SLC19A2: variants seen among roughly 807,000 people sequenced by gnomAD.
The protein encoded by SLC19A2 is thiamine transporter 1.
Under a neutral mutation model 44.7 loss-of-function variants are expected in SLC19A2, and 27 were observed. The ratio of observed to expected loss-of-function variants is 0.60; its 90% CI spans 0.45 to 0.83. The LOEUF is 0.83. Among genes scored for constraint, SLC19A2 ranks in the 40% least tolerant of loss-of-function variants. The pLI is 0.00. For synonymous variants in SLC19A2, 239 were observed against 243.6 expected (o/e 0.98, Z 0.18); for missense variants, 566 against 613.7 (o/e 0.92, Z 0.82).
Position 169,468,808 on chromosome 1 carries a change from A to G in SLC19A2, c.1059T>C (p.Tyr353=). ...CCCAAGTTGACCAGGATATTTTTAT[A>G]TAACCAACTGCAAACACAGCAACAG... ...LGAVAVFAVG[Y]IKISWSTWGE... The change falls in exon 4 of 6, where the codon TAT becomes TAC. Residue 353 remains tyrosine (Y), a synonymous_variant. Transcript: ENST00000236137. The G allele has an allele frequency of 1.9e-6, 3 of 1,614,000 alleles. No homozygotes were observed.
chr1:169,469,654 C>A (rs953940270), intron 3 of SLC19A2, among the ~76,000 whole-genome samples: 13 of 152,028 alleles, frequency 8.6e-5, no homozygotes, highest in African/African-American at 3.1e-4. Flanking sequence ...TATTGCCATT[C>A]AAAATTTCAC....
chr1:169,477,695 GA>G lies in SLC19A2; in HGVS notation c.266del (p.Phe89SerfsTer39). 6.2e-7 allele frequency: 1 copy of G among 1,613,138 alleles called. No homozygotes were observed. The highest frequency in any genetic ancestry group is 1.1e-5 in the South Asian group (1 of 91,066). On this transcript the variant is annotated frameshift_variant, in exon 2 of 6. Coordinates refer to ENST00000236137, the MANE Select transcript of SLC19A2 (RefSeq NM_006996.3). LOFTEE classifies it high-confidence loss of function. ...TATAACGGAGGTAGTCTGTGGCAAGGAACACAGGAAACAGTAGCACCAGGTA... is the reference window on the plus strand; with the variant it reads ...TATAACGGAGGTAGTCTGTGGCAAGGACACAGGAAACAGTAGCACCAGGTA... ...YSYLVLLFPV[F>X]LATDYLRYKP...
Position 169,465,704 on chromosome 1 carries a change from G to A in SLC19A2, c.*145C>T, listed in dbSNP as rs149502153. On this transcript the variant is annotated 3_prime_UTR_variant, in exon 6 of 6. Transcript: ENST00000236137. ...CTCTGAATAGTATCATGTTATTCCC[G>A]GAACACAAGGTATTAGTCAAGTGGC... is the stretch of plus-strand genomic sequence containing the variant. 55 of 819,924 alleles carry A rather than the reference G, an allele frequency of 6.7e-5. No individual in the cohort carries two copies. The highest frequency in any genetic ancestry group is 9.2e-5 in the Non-Finnish European group (45 of 489,630). The allele number at this position is 819,924 out of a possible 1,614,324, so 50.8% of individuals were successfully genotyped here.
chr1:169,467,618 G>A (rs151319478), intron 5 of SLC19A2, among the ~76,000 whole-genome samples: 10 of 152,258 alleles, frequency 6.6e-5, no homozygotes, highest in Middle Eastern at 6.8e-3. Flanking sequence ...TTGGGTGTTG[G>A]TGCAAGTTTC....
At chr1:169,474,386 G>C (rs1658261967) in intron 2 of SLC19A2, among the ~76,000 whole-genome samples, 1 of 152,122 alleles carries the variant, frequency 6.6e-6, no homozygotes, top group African/African-American at 2.4e-5. Flanking sequence ...TTTAATTTAT[G>C]TCATTTCTAA....
chr1:169,475,398 T>A (rs1468096891), intron 2 of SLC19A2, among the ~76,000 whole-genome samples: 1 of 152,116 alleles, frequency 6.6e-6, no homozygotes, highest in Admixed American at 6.5e-5. Flanking sequence ...CTATGTAAAA[T>A]GTTTTCTATG....
At position 169,485,916 on chromosome 1, in the gene SLC19A2, A is replaced by ACCCCCAGCTTTACCCTACAGAC; in HGVS notation, c.-172_-151dup. 1 of 940,246 alleles carries ACCCCCAGCTTTACCCTACAGAC rather than the reference A, an allele frequency of 1.1e-6. No homozygotes were observed. Among genetic ancestry groups the ACCCCCAGCTTTACCCTACAGAC allele is most frequent in the Non-Finnish European group, 1.5e-6 (1 of 647,528 alleles). The allele number at this position is 940,246 out of a possible 1,614,324, so 58.2% of individuals were successfully genotyped here. A position where few individuals can be genotyped will look rare whatever the true frequency, so the allele number is the denominator to read the frequency against. On this transcript the variant is annotated 5_prime_UTR_variant, in exon 1 of 6. Transcript: ENST00000236137. ...ACTCGCCGCCGCCTCCGGCTACAGA[A>ACCCCCAGCTTTACCCTACAGAC]CCCCCAGCTTTACCCTACAGACGCC...
At chr1:169,469,335 C>T (rs891839171) in intron 3 of SLC19A2, 2 of 185,778 alleles carry the variant, frequency 1.1e-5, no homozygotes, top group Non-Finnish European at 1.1e-5. Context: ...AATCATATAA[C>T]ACCATCCAAC....
intron 1 of SLC19A2, among the ~76,000 whole-genome samples, chr1:169,482,927 T>TA (rs1175349431): frequency 6.6e-6 from 1 of 152,126 alleles, no homozygotes; most frequent in South Asian, 2.1e-4. Context: ...GTGGAATGTT[T>TA]AAAAAAATCT....
At chr1:169,479,254 T>C (rs1416314826) in intron 1 of SLC19A2, among the ~76,000 whole-genome samples, 1 of 152,246 alleles carries the variant, frequency 6.6e-6, no homozygotes, top group African/African-American at 2.4e-5. Context: ...CCTACAGTCT[T>C]GACAGAATTA....
chr1:169,465,714 G>A lies in SLC19A2; in HGVS notation c.*135C>T. 1 of 884,504 alleles carries A rather than the reference G, an allele frequency of 1.1e-6. No homozygotes were observed. Among genetic ancestry groups the A allele is most frequent in the Non-Finnish European group, 1.9e-6 (1 of 536,850 alleles). The allele number at this position is 884,504 out of a possible 1,614,324, so 54.8% of individuals were successfully genotyped here. ...TATCATGTTATTCCCGGAACACAAG[G>A]TATTAGTCAAGTGGCTGCTGTGAAG... On this transcript the variant is annotated 3_prime_UTR_variant, in exon 6 of 6. Transcript: ENST00000236137.
chr1:169,482,538 C>T (rs1341685893), intron 1 of SLC19A2, among the ~76,000 whole-genome samples: 2 of 152,144 alleles, frequency 1.3e-5, no homozygotes, highest in African/African-American at 4.8e-5. Flanking sequence ...AAGACTGTCT[C>T]TAAATAAATA....
At chr1:169,475,776 C>T (rs1048804774) in intron 2 of SLC19A2, among the ~76,000 whole-genome samples, 1 of 152,130 alleles carries the variant, frequency 6.6e-6, no homozygotes, top group African/African-American at 2.4e-5. Flanking sequence ...ATGAGGGTTG[C>T]CCAGGCTCTA....
At chr1:169,483,000 T>A (rs187493531) in intron 1 of SLC19A2, among the ~76,000 whole-genome samples, 2 of 152,352 alleles carry the variant, frequency 1.3e-5, no homozygotes, top group Admixed American at 1.3e-4. Context: ...AAAAAGTTTT[T>A]AGAGATAAAG....
In SLC19A2 at chr1:169,464,372, T is replaced by C. The variant is rs934036364; in HGVS notation, c.*1477A>G. 6 of 152,352 alleles carry C rather than the reference T, an allele frequency of 3.9e-5. No homozygotes were observed. The highest frequency in any genetic ancestry group is 8.8e-5 in the Non-Finnish European group (6 of 68,016). The allele number at this position is 152,352 out of a possible 1,614,324, so 9.4% of individuals were successfully genotyped here. A position where few individuals can be genotyped will look rare whatever the true frequency, so the allele number is the denominator to read the frequency against. ...TTCCCTTTCCCTTCCTTAGCTAGTG[T>C]TCTTTTCCTTTCCCTTAATAGTAAA... On this transcript the variant is annotated 3_prime_UTR_variant, in exon 6 of 6. Coordinates refer to ENST00000236137, the MANE Select transcript of SLC19A2 (RefSeq NM_006996.3).
intron 3 of SLC19A2, among the ~76,000 whole-genome samples, chr1:169,469,759 A>T (rs796886264): frequency 8.6e-5 from 13 of 151,728 alleles, no homozygotes; most frequent in African/African-American, 3.2e-4. Context: ...CAAAGCTTAT[A>T]AAAAAATTCC....
Position 169,465,972 on chromosome 1 carries a change from CA to C in SLC19A2, c.1370del (p.Leu457Ter), listed in dbSNP as rs761803462. ...GLGLEITTQF[L>X]IYASYFALIA... ...TGAGTGCAAAATAACTGGCATAGAT[CA>C]AAAACTAGAAGGGGGAAAAGCAGTT... On this transcript the variant is annotated frameshift_variant, in exon 6 of 6. Transcript: ENST00000236137. LOFTEE classifies it high-confidence loss of function. The C allele has an allele frequency of 2.5e-6, 4 of 1,613,926 alleles. No individual in the cohort carries two copies. Among genetic ancestry groups the C allele is most frequent in the Non-Finnish European group, 2.5e-6 (3 of 1,179,888 alleles).
chr1:169,477,403 G>GA lies in SLC19A2; in HGVS notation c.558_559insT (p.Leu187SerfsTer54). 1 of 1,614,180 alleles carries GA rather than the reference G, an allele frequency of 6.2e-7. No homozygotes were observed. Among genetic ancestry groups the GA allele is most frequent in the Non-Finnish European group, 8.5e-7 (1 of 1,180,038 alleles). ...AGAGAGATGACATTCAGGCTGAACA[G>GA]CGACCAGCCTGCCACTGAGACAAGG... On this transcript the variant is annotated frameshift_variant, in exon 2 of 6. Transcript: ENST00000236137. LOFTEE classifies it high-confidence loss of function.
rs781443514 is a variant in SLC19A2 at position 169,468,733 on chromosome 1, A to G, written c.1134T>C (p.Tyr378=). ...AAATGTTACCCACAGTGTCCATGAT[A>G]TACACTGCAGCAGCAATCAGGAGAG... The part of the protein sequence containing the change: ...LFSLLIAAAV[Y]IMDTVGNIWV... Residue 378 remains tyrosine (Y), a synonymous_variant, in exon 4 of 6, where the codon TAT becomes TAC. Transcript: ENST00000236137. The G allele has an allele frequency of 3.0e-5, 48 of 1,612,652 alleles. No homozygotes were observed. The Middle Eastern group carries it at 9.9e-4, about 33-fold the overall frequency.
Sources: allele counts gnomAD v4.1 joint callset (sites outside exome capture counted in the v4.1 genomes callset), GRCh38; gene constraint gnomAD v4.1.1; transcripts MANE v1.5; gene names NCBI Gene and HGNC (gene_info 2026-07-23, HGNC 2026-07-21).